The following PPA2 variants were observed in gnomAD, a reference collection of about 807,000 sequenced individuals.
PPA2 encodes inorganic pyrophosphatase 2, also known as inorganic pyrophosphatase 2, mitochondrial.
In PPA2, 48 loss-of-function variants were observed where a neutral mutation model predicts 49.5. The ratio of observed to expected loss-of-function variants is 0.97; its 90% CI spans 0.77 to 1.23. PPA2 has a LOEUF of 1.23. Among genes scored for constraint, PPA2 ranks in the 50% most tolerant of loss-of-function variants. PPA2 has a pLI of 0.00. For synonymous variants in PPA2, 131 were observed against 139.9 expected, an observed-to-expected ratio of 0.94 and a Z score of 0.45; for missense variants, 429 against 410.1, an observed-to-expected ratio of 1.05 and a Z score of -0.40.
intron 7 of PPA2, among the ~76,000 whole-genome samples, chr4:105,410,888 C>T (rs1038284086): frequency 3.3e-5 from 5 of 152,182 alleles, no homozygotes; most frequent in African/African-American, 9.7e-5. Context: ...ACCACCAGGC[C>T]TGCCTTACAA....
chr4:105,394,981 TAGACA>T (rs1031660171), intron 9 of PPA2, among the ~76,000 whole-genome samples: 10 of 152,122 alleles, frequency 6.6e-5, no homozygotes, highest in Admixed American at 6.6e-4. Flanking sequence ...TTTACTAGGA[TAGACA>T]AGACTAGAGG....
intron 1 of PPA2, among the ~76,000 whole-genome samples, chr4:105,465,420 A>G (rs908071111): frequency 1.3e-5 from 2 of 152,188 alleles, no homozygotes; most frequent in African/African-American, 4.8e-5. Flanking sequence ...TCAGGCTGCA[A>G]TATGAACTGG....
At chr4:105,387,569 T>C (rs991977160) in intron 9 of PPA2, among the ~76,000 whole-genome samples, 1 of 152,176 alleles carries the variant, frequency 6.6e-6, no homozygotes, top group Non-Finnish European at 1.5e-5. Flanking sequence ...ACACTGAGTA[T>C]ACAGCGATTA....
rs1051952165 is a variant in PPA2, at chr4:105,413,471, G to GA, written c.655+10724dup. ...TACCCTAGAACTTAAAGTATAAAAA[G>GA]AAAAAAAAGAATAAAGGCATAAGAA... On this transcript the variant is annotated intron_variant, in intron 7 of 11. Coordinates refer to ENST00000341695, the MANE Select transcript of PPA2 (RefSeq NM_176869.3). Among the ~76,000 whole-genome samples the GA allele has an allele frequency of 7.3e-5, 11 of 151,210 alleles. No homozygotes were observed. The South Asian group carries it at 1.0e-3, about 14-fold the overall frequency.
chr4:105,465,363 T>A (rs1408713102), intron 1 of PPA2, among the ~76,000 whole-genome samples: 2 of 152,208 alleles, frequency 1.3e-5, no homozygotes, highest in Non-Finnish European at 2.9e-5. Context: ...ATCAAAATTA[T>A]GGAATCCTCT....
At chr4:105,394,395 G>GAA (rs66802514) in intron 9 of PPA2, among the ~76,000 whole-genome samples, 2 of 137,616 alleles carry the variant, frequency 1.5e-5, no homozygotes, top group Non-Finnish European at 3.1e-5. Flanking sequence ...AAAAAAGAAA[G>GAA]AAAAAAAAAG....
At chr4:105,430,789 T>G (rs536680412) in intron 6 of PPA2, among the ~76,000 whole-genome samples, 106 of 152,276 alleles carry the variant, frequency 7.0e-4, no homozygotes, top group Non-Finnish European at 1.1e-3. Context: ...AAACAAATAG[T>G]GTACAAGGAG....
rs534587359 is a variant in PPA2 at position 105,403,913 on chromosome 4, T to C, written c.656-4749A>G. Among the ~76,000 whole-genome samples, 3 of 152,138 alleles carry C rather than the reference T, an allele frequency of 2.0e-5. No homozygotes were observed. In the South Asian group the frequency reaches 6.2e-4, roughly 32 times the overall value. On this transcript the variant is annotated intron_variant, in intron 7 of 11. Transcript: ENST00000341695. ...AAAATTCTTTCTACTCTTTTTTTTTTTTTGAATCCAAAAACACACTCTGTT... is the reference window on the plus strand; with the variant it reads ...AAAATTCTTTCTACTCTTTTTTTTTCTTTGAATCCAAAAACACACTCTGTT...
chr4:105,440,779 G>A (rs1439054055), intron 5 of PPA2, among the ~76,000 whole-genome samples: 3 of 152,014 alleles, frequency 2.0e-5, no homozygotes, highest in African/African-American at 7.2e-5. Context: ...CTGTTGGTTG[G>A]TTGGTCCTCA....
rs1034933877 is a variant in PPA2, at chr4:105,454,409, C to A, written c.223-767G>T. On this transcript the variant is annotated intron_variant, in intron 2 of 11. Transcript: ENST00000341695. ...GCAGTGGCGCAATCTTGGCTCACTG[C>A]AAGCTCTGCCTCCTGGGTTCACGCC... is the stretch of plus-strand genomic sequence containing the variant. Among the ~76,000 whole-genome samples the A allele has an allele frequency of 3.3e-5, 5 of 152,106 alleles. No homozygotes were observed. The East Asian group carries it at 9.6e-4, about 29-fold the overall frequency.
At chr4:105,405,955 C>A in intron 7 of PPA2, 2 of 386,664 alleles carry the variant, frequency 5.2e-6, no homozygotes, top group Non-Finnish European at 1.0e-5. Flanking sequence ...AGACCTGTAT[C>A]AAGAGAAAAA....
chr4:105,437,251 C>T (rs978746694), intron 6 of PPA2, among the ~76,000 whole-genome samples: 1 of 100,536 alleles, frequency 9.9e-6, no homozygotes, highest in Non-Finnish European at 2.4e-5. Context: ...TTTTTATGTG[C>T]TGGTTTCTGA....
At chr4:105,408,924 G>C (rs1481286024) in intron 7 of PPA2, among the ~76,000 whole-genome samples, 2 of 152,082 alleles carry the variant, frequency 1.3e-5, no homozygotes, top group African/African-American at 4.8e-5. Context: ...AAGAATAAAG[G>C]CAGTCACTTC....
chr4:105,449,315 C>A, intron 4 of PPA2, 35 bp downstream of exon 4: 2 of 1,257,384 alleles, frequency 1.6e-6, no homozygotes, highest in South Asian at 1.3e-5. Flanking sequence ...TCATTATAAT[C>A]ATTTCGGTTT....
intron 10 of PPA2, among the ~76,000 whole-genome samples, chr4:105,378,810 T>G (rs1415447629): frequency 6.6e-6 from 1 of 152,164 alleles, no homozygotes; most frequent in Non-Finnish European, 1.5e-5. Context: ...AAAATATCAT[T>G]TTGAAAATCA....
chr4:105,439,982 C>T (rs764804785), intron 5 of PPA2, among the ~76,000 whole-genome samples: 12 of 151,768 alleles, frequency 7.9e-5, no homozygotes, highest in African/African-American at 2.4e-4. Context: ...ATAATCTTAA[C>T]GTGCTGGGGA....
intron 7 of PPA2, among the ~76,000 whole-genome samples, chr4:105,420,586 C>A (rs1297858288): frequency 2.0e-5 from 3 of 152,040 alleles, no homozygotes; most frequent in Admixed American, 2.0e-4. Context: ...ACAAATATGC[C>A]AAGAAGTATA....
intron 7 of PPA2, among the ~76,000 whole-genome samples, chr4:105,400,313 C>T (rs1403419186): frequency 2.6e-5 from 4 of 152,008 alleles, no homozygotes; most frequent in Non-Finnish European, 5.9e-5. Flanking sequence ...CTACTGACGG[C>T]GAGTGTCTAG....
intron 9 of PPA2, among the ~76,000 whole-genome samples, chr4:105,388,773 C>T (rs6855174): frequency 0.018 from 2,512 of 140,462 alleles, 65 homozygotes; most frequent in African/African-American, 0.061. Context: ...TGCAGTGAGC[C>T]GAGATGGCGC....
Sources: allele counts gnomAD v4.1 joint callset (sites outside exome capture counted in the v4.1 genomes callset), GRCh38; gene constraint gnomAD v4.1.1; transcripts MANE v1.5; gene names NCBI Gene and HGNC (gene_info 2026-07-23, HGNC 2026-07-21).